SPATA16: variants seen among roughly 807,000 people sequenced by gnomAD.
The protein encoded by SPATA16 is spermatogenesis associated 16, also known as spermatogenesis-associated protein 16.
In SPATA16, 36 loss-of-function variants were observed where a neutral mutation model predicts 63.3. The observed-to-expected ratio is 0.57, with a 90% CI of 0.44 to 0.75. SPATA16 has a LOEUF of 0.75. Among genes scored for constraint, SPATA16 ranks in the 30% least tolerant of loss-of-function variants. SPATA16 has a pLI of 0.00. For missense variants in SPATA16, 646 were observed against 679.3 expected, an observed-to-expected ratio of 0.95 and a Z score of 0.54; for synonymous variants, 203 against 216.7, an observed-to-expected ratio of 0.94 and a Z score of 0.56.
chr3:173,027,031 C>T (rs1053886477), intron 3 of SPATA16, among the ~76,000 whole-genome samples: 2 of 151,832 alleles, frequency 1.3e-5, no homozygotes, highest in Non-Finnish European at 1.5e-5. Context: ...AATATTGAGT[C>T]ATCTGATCAA....
At chr3:172,900,587 T>C (rs963799242) in intron 10 of SPATA16, among the ~76,000 whole-genome samples, 4 of 152,158 alleles carry the variant, frequency 2.6e-5, no homozygotes, top group Non-Finnish European at 5.9e-5. Flanking sequence ...CAGAGCCTTT[T>C]TTTTACAGTT....
At chr3:172,900,694 G>A (rs1381543777) in intron 10 of SPATA16, among the ~76,000 whole-genome samples, 1 of 152,010 alleles carries the variant, frequency 6.6e-6, no homozygotes, top group Admixed American at 6.5e-5. Flanking sequence ...GGGCTGGAGT[G>A]CAATGGCATG....
At chr3:173,075,153 T>TTA (rs1491159248) in intron 2 of SPATA16, among the ~76,000 whole-genome samples, 3 of 142,144 alleles carry the variant, frequency 2.1e-5, no homozygotes, top group African/African-American at 5.2e-5. Flanking sequence ...AAAGTTGAAA[T>TTA]TATAAAAAAA....
intron 9 of SPATA16, among the ~76,000 whole-genome samples, chr3:172,915,554 C>A (rs1037622487): frequency 2.0e-5 from 3 of 152,160 alleles, no homozygotes; most frequent in Non-Finnish European, 4.4e-5. Flanking sequence ...ACACTAGGAG[C>A]TTCATATAGA....
At chr3:172,932,206 T>A (rs933830477) in intron 6 of SPATA16, among the ~76,000 whole-genome samples, 2 of 152,188 alleles carry the variant, frequency 1.3e-5, no homozygotes, top group African/African-American at 4.8e-5. Flanking sequence ...AGCCAACAGA[T>A]CATGAAGGAA....
intron 6 of SPATA16, among the ~76,000 whole-genome samples, chr3:172,955,883 G>A (rs1466707448): frequency 6.6e-6 from 1 of 152,040 alleles, no homozygotes; most frequent in Admixed American, 6.6e-5. Context: ...AGAGTGTCTG[G>A]CACCTTAATA....
At chr3:173,034,392 CTTAGAA>C (rs1735670188) in intron 3 of SPATA16, among the ~76,000 whole-genome samples, 2 of 151,846 alleles carry the variant, frequency 1.3e-5, no homozygotes, top group Admixed American at 1.3e-4. Context: ...ATGTTAGAGT[CTTAGAA>C]TTAGAGGGAA....
In SPATA16 at chr3:172,956,770, G is replaced by T. The variant is rs776767984; in HGVS notation, c.988C>A (p.Pro330Thr). 6.2e-7 allele frequency: 1 copy of T among 1,613,260 alleles called. No individual in the cohort carries two copies. Among genetic ancestry groups the T allele is most frequent in the Non-Finnish European group, 8.5e-7 (1 of 1,179,552 alleles). Residue 330 changes from proline to threonine, a missense_variant, in exon 6 of 11, where the codon CCA (proline) becomes ACA (threonine). By Grantham distance (38) the Pro-to-Thr change is conservative. Coordinates refer to ENST00000351008, the MANE Select transcript of SPATA16 (RefSeq NM_031955.6). ...TCAGCTCTTATTTTTGTCGCAAATG[G>T]TGTGTACATAACCGAGAAAGATTCA... Reference protein sequence around the residue: ...RAESFSVMYTPFATKIRADKI... With the variant: ...RAESFSVMYTTFATKIRADKI...
intron 1 of SPATA16, among the ~76,000 whole-genome samples, chr3:173,120,793 C>T (rs1409694068): frequency 6.6e-6 from 1 of 152,142 alleles, no homozygotes; most frequent in Non-Finnish European, 1.5e-5. Context: ...TCCCAGATGT[C>T]CCTCACTCCG....
chr3:172,964,781 G>A (rs1395871987), intron 5 of SPATA16, among the ~76,000 whole-genome samples: 3 of 152,094 alleles, frequency 2.0e-5, no homozygotes, highest in Non-Finnish European at 4.4e-5. Flanking sequence ...ACAAAGACCT[G>A]GTGACTTCGT....
intron 4 of SPATA16, among the ~76,000 whole-genome samples, chr3:172,996,198 C>T (rs190693556): frequency 7.1e-4 from 108 of 152,216 alleles, no homozygotes; most frequent in Non-Finnish European, 1.1e-3. Flanking sequence ...TCGTTGCATA[C>T]TGTCAGTGGG....
chr3:173,122,731 G>A (rs1738112942), intron 1 of SPATA16, among the ~76,000 whole-genome samples: 1 of 152,206 alleles, frequency 6.6e-6, no homozygotes, highest in Admixed American at 6.5e-5. Context: ...CGAGACAGGG[G>A]TCTTGGCATT....
intron 6 of SPATA16, among the ~76,000 whole-genome samples, chr3:172,931,656 A>G (rs1732875096): frequency 6.6e-6 from 1 of 152,250 alleles, no homozygotes; most frequent in Non-Finnish European, 1.5e-5. Context: ...AATGGTCCAA[A>G]TAAGAATAGA....
chr3:172,980,995 C>T (rs1365508216), intron 4 of SPATA16, among the ~76,000 whole-genome samples: 1 of 152,156 alleles, frequency 6.6e-6, no homozygotes, highest in African/African-American at 2.4e-5. Flanking sequence ...CTTGTCAGTA[C>T]CACTAATAGT....
intron 5 of SPATA16, among the ~76,000 whole-genome samples, chr3:172,969,591 C>T (rs1214500093): frequency 6.6e-6 from 1 of 152,148 alleles, no homozygotes; most frequent in African/African-American, 2.4e-5. Flanking sequence ...CAGTTGGTTA[C>T]TAGACTGGTG....
intron 6 of SPATA16, among the ~76,000 whole-genome samples, chr3:172,951,039 A>G (rs1004936160): frequency 6.6e-6 from 1 of 152,188 alleles, no homozygotes; most frequent in Non-Finnish European, 1.5e-5. Context: ...TCATTGGAAT[A>G]TATGAATAAA....
At chr3:172,943,691 G>A (rs1006037627) in intron 6 of SPATA16, among the ~76,000 whole-genome samples, 1 of 152,212 alleles carries the variant, frequency 6.6e-6, no homozygotes, top group Non-Finnish European at 1.5e-5. Context: ...AGTGAGCCAA[G>A]ATTGCGCCAT....
chr3:172,982,646 G>A (rs1233594326), intron 4 of SPATA16, among the ~76,000 whole-genome samples: 1 of 152,052 alleles, frequency 6.6e-6, no homozygotes, highest in African/African-American at 2.4e-5. Context: ...CTATAGAATG[G>A]CAAATGCACA....
intron 2 of SPATA16, among the ~76,000 whole-genome samples, chr3:173,101,086 C>G (rs1440357772): frequency 6.6e-6 from 1 of 152,166 alleles, no homozygotes; most frequent in African/African-American, 2.4e-5. Context: ...TTACACTTTA[C>G]TGGGTATGAA....
Sources: gnomAD v4.1 joint callset for allele counts (sites outside exome capture counted in the v4.1 genomes callset) on GRCh38, gnomAD v4.1.1 for gene constraint, MANE v1.5 for transcripts, NCBI Gene and HGNC (gene_info 2026-07-23, HGNC 2026-07-21) for gene names.